The following NDUFS4 variants were observed in gnomAD, a reference collection of about 807,000 sequenced individuals.
NDUFS4 encodes NADH:ubiquinone oxidoreductase subunit S4.
In NDUFS4, 28 loss-of-function variants were observed where a neutral mutation model predicts 24.3. The ratio of observed to expected loss-of-function variants is 1.15; its 90% confidence interval spans 0.85 to 1.58. The LOEUF is 1.58. NDUFS4 is among the 40% of genes most tolerant of loss of function. The pLI is 0.00. For synonymous variants in NDUFS4, 93 were observed against 69.7 expected, an observed-to-expected ratio of 1.34 and a Z score of -1.67; for missense variants, 223 against 207.9, an observed-to-expected ratio of 1.07 and a Z score of -0.45.
chr5:53,614,645 A>T (rs914782798), intron 2 of NDUFS4, among the ~76,000 whole-genome samples: 3 of 152,100 alleles, frequency 2.0e-5, no homozygotes, highest in African/African-American at 7.2e-5. Context: ...TAGCCACAAC[A>T]TCTTTAATGC....
chr5:53,646,214 T>C lies in NDUFS4; in HGVS notation c.178-19T>C, dbSNP rs776069099. ...TGTAGGCTGTTTGAAACGTGTTTTT[T>C]TTTCTTGTTTTTCTGTAGGATATCA... On this transcript the variant is annotated intron_variant, in intron 2 of 4. Transcript: ENST00000296684. 6 of 1,585,716 alleles carry C rather than the reference T, an allele frequency of 3.8e-6. No individual in the cohort carries two copies. The highest frequency in any genetic ancestry group is 4.3e-6 in the Non-Finnish European group (5 of 1,157,858).
At chr5:53,591,363 G>A (rs1749949620) in intron 1 of NDUFS4, among the ~76,000 whole-genome samples, 1 of 148,242 alleles carries the variant, frequency 6.7e-6, no homozygotes, top group Non-Finnish European at 1.5e-5. Context: ...ACTGTTTTCT[G>A]TAATGGCTGT....
chr5:53,662,437 A>T (rs1036633204), intron 4 of NDUFS4, among the ~76,000 whole-genome samples: 6 of 152,034 alleles, frequency 3.9e-5, no homozygotes, highest in African/African-American at 1.5e-4. Flanking sequence ...TTCATCAGGG[A>T]TATTGGTCTA....
Position 53,603,514 on chromosome 5 carries a change from C to T in NDUFS4, c.161C>T (p.Thr54Ile), listed in dbSNP as rs1750397852. Residue 54 changes from threonine to isoleucine, a missense_variant, in exon 2 of 5, where the codon ACA becomes ATA. Coordinates refer to ENST00000296684, the MANE Select transcript of NDUFS4 (RefSeq NM_002495.4). ...QDQTQDTQLITVDEKLDITTL... is the reference protein window; with the variant it reads ...QDQTQDTQLIIVDEKLDITTL... ...CAGACTCAAGACACACAACTCATAA[C>T]AGTTGATGAAAAATTGGTAAGGATT... is the stretch of plus-strand genomic sequence containing the variant. 1 of 1,613,726 alleles carries T rather than the reference C, an allele frequency of 6.2e-7. No homozygotes were observed. Among genetic ancestry groups the T allele is most frequent in the Non-Finnish European group, 8.5e-7 (1 of 1,179,810 alleles).
chr5:53,584,443 C>T (rs1392897287), intron 1 of NDUFS4, among the ~76,000 whole-genome samples: 1 of 152,014 alleles, frequency 6.6e-6, no homozygotes, highest in Non-Finnish European at 1.5e-5. Flanking sequence ...GAAACCTCTG[C>T]CTCCTGGGTT....
chr5:53,607,064 C>T lies in NDUFS4; in HGVS notation c.177+3534C>T, dbSNP rs150627379. ...TTTTACCTGCAGTTGATTTAATCCA[C>T]AATACAGAAGGCACAGATATGGAGG... On this transcript the variant is annotated intron_variant, in intron 2 of 4. Transcript: ENST00000296684. Among the ~76,000 whole-genome samples the T allele has an allele frequency of 9.1e-3, 1,383 of 152,226 alleles. 15 individuals carry two copies. The highest frequency in any genetic ancestry group is 0.031 in the African/African-American group (1,302 of 41,516).
intron 1 of NDUFS4, among the ~76,000 whole-genome samples, chr5:53,586,714 G>A (rs112342229): frequency 4.3e-4 from 66 of 151,940 alleles, no homozygotes; most frequent in Non-Finnish European, 8.8e-5. Flanking sequence ...TAGTAGAGAC[G>A]GGGTTTCACC....
Position 53,656,944 on chromosome 5 carries a change from GA to G in NDUFS4, c.351-1605del, listed in dbSNP as rs533258090. On this transcript the variant is annotated intron_variant, in intron 3 of 4. Coordinates refer to ENST00000296684, the MANE Select transcript of NDUFS4 (RefSeq NM_002495.4). Reference sequence around the variant, plus strand: ...AAGGAGAATGAGAAGGGTAGAAACTGAATGGCTGGAAGAATAGTGGCTTCTT... The same window carrying G: ...AAGGAGAATGAGAAGGGTAGAAACTGATGGCTGGAAGAATAGTGGCTTCTT... Among the ~76,000 whole-genome samples the G allele has an allele frequency of 3.3e-5, 5 of 152,280 alleles. No individual in the cohort carries two copies. The South Asian group carries it at 1.0e-3, about 32-fold the overall frequency.
At chr5:53,634,542 A>G (rs1751496143) in intron 2 of NDUFS4, among the ~76,000 whole-genome samples, 1 of 152,164 alleles carries the variant, frequency 6.6e-6, no homozygotes. Flanking sequence ...TAATTAAGAA[A>G]TAATAGATTG....
chr5:53,591,080 T>A (rs189821938), intron 1 of NDUFS4, among the ~76,000 whole-genome samples: 2 of 152,358 alleles, frequency 1.3e-5, no homozygotes, highest in East Asian at 3.9e-4. Context: ...TCTTCATGGT[T>A]CTTCCATGGT....
chr5:53,585,446 C>G (rs1196597535), intron 1 of NDUFS4, among the ~76,000 whole-genome samples: 1 of 152,104 alleles, frequency 6.6e-6, no homozygotes, highest in Non-Finnish European at 1.5e-5. Flanking sequence ...ATTAAGCTAA[C>G]CACAATGAAA....
chr5:53,641,074 A>T (rs1183068545), intron 2 of NDUFS4, among the ~76,000 whole-genome samples: 2 of 152,196 alleles, frequency 1.3e-5, no homozygotes, highest in African/African-American at 4.8e-5. Context: ...TTCAGTGTCT[A>T]ATATGTAGTA....
chr5:53,660,218 A>G (rs987841019), intron 4 of NDUFS4, among the ~76,000 whole-genome samples: 6 of 136,616 alleles, frequency 4.4e-5, no homozygotes, highest in African/African-American at 1.7e-4. Flanking sequence ...TCATTGTTCA[A>G]TTCCCCACCT....
intron 2 of NDUFS4, among the ~76,000 whole-genome samples, chr5:53,615,851 G>A (rs981893087): frequency 6.6e-6 from 1 of 152,080 alleles, no homozygotes; most frequent in African/African-American, 2.4e-5. Context: ...GGCTGAGAAT[G>A]CTAACTTAAA....
chr5:53,580,708 CTTTCCTTTTCCT>C (rs70983361), intron 1 of NDUFS4, among the ~76,000 whole-genome samples: 13,650 of 146,486 alleles, frequency 0.093, 748 homozygotes, highest in Middle Eastern at 0.14. Context: ...CTTTCCTTTC[CTTTCCTTTTCCT>C]TTTCCTTTTC....
At chr5:53,650,218 G>A (rs1269006050) in intron 3 of NDUFS4, among the ~76,000 whole-genome samples, 3 of 152,114 alleles carry the variant, frequency 2.0e-5, no homozygotes, top group South Asian at 2.1e-4. Context: ...CCTTGTATAC[G>A]CTAAATTGTT....
rs1752234459 is a variant in NDUFS4 at position 53,658,715 on chromosome 5, G to A, written c.424+91G>A. 1.8e-5 allele frequency: 19 copies of A among 1,078,654 alleles called. No individual in the cohort carries two copies. In the Admixed American group the frequency reaches 3.4e-4, roughly 19 times the overall value. 66.8% of individuals were successfully genotyped at this position (1,078,654 alleles called of 1,614,324 possible). ...CAATTAAGTATACAGAATTTGAGTT[G>A]GAATCCAGTGGTTTCATTGTATCTA... On this transcript the variant is annotated intron_variant, in intron 4 of 4. Transcript: ENST00000296684.
chr5:53,626,487 A>G (rs1011707141), intron 2 of NDUFS4, among the ~76,000 whole-genome samples: 7 of 152,164 alleles, frequency 4.6e-5, no homozygotes, highest in Non-Finnish European at 7.3e-5. Context: ...ACTACTTTAC[A>G]CTTCCACCAA....
At chr5:53,631,992 G>C (rs4549481) in intron 2 of NDUFS4, among the ~76,000 whole-genome samples, 24,423 of 152,114 alleles carry the variant, frequency 0.16, 1,956 homozygotes, top group Middle Eastern at 0.18. Flanking sequence ...CACTTCCCTG[G>C]TAAGGCAGTG....
Sources: gnomAD v4.1 joint callset for allele counts (sites outside exome capture counted in the v4.1 genomes callset) on GRCh38, gnomAD v4.1.1 for gene constraint, MANE v1.5 for transcripts, NCBI Gene and HGNC (gene_info 2026-07-23, HGNC 2026-07-21) for gene names.